CUBN: variants seen among roughly 807,000 people sequenced by gnomAD.
CUBN encodes the protein cubilin.
A neutral mutation model predicts 405.3 loss-of-function variants in CUBN; 282 were observed. The observed-to-expected ratio is 0.70, with a 90% CI of 0.63 to 0.77. The LOEUF is 0.77. Among genes scored for constraint, CUBN ranks in the 30% least tolerant of loss-of-function variants. CUBN has a pLI of 0.00. For missense variants in CUBN, 4,514 were observed against 4,475.2 expected (o/e 1.01, Z -0.25); for synonymous variants, 1,684 against 1,617.0 (o/e 1.04, Z -0.99).
chr10:16,901,230 A>AT (rs991658499), intron 52 of CUBN, 108 bp downstream of exon 52: 2 of 1,473,016 alleles, frequency 1.4e-6, no homozygotes, highest in African/African-American at 2.8e-5. Flanking sequence ...TTGTAGAATC[A>AT]AAGCCTTCTC....
chr10:17,026,274 T>C (rs1834660863), intron 27 of CUBN, among the ~76,000 whole-genome samples: 1 of 152,158 alleles, frequency 6.6e-6, no homozygotes, highest in Admixed American at 6.5e-5. Context: ...TTTATCCAAG[T>C]TCAGGTTACT....
chr10:16,902,617 C>T (rs1467256143), intron 51 of CUBN, among the ~76,000 whole-genome samples: 1 of 152,026 alleles, frequency 6.6e-6, no homozygotes, highest in African/African-American at 2.4e-5. Flanking sequence ...AATTTCACTC[C>T]TTCTTCAACC....
rs545796630 is a variant in CUBN, at chr10:16,919,773, A to G, written c.6821+190T>C. On this transcript the variant is annotated intron_variant, in intron 44 of 66. Coordinates refer to ENST00000377833, the MANE Select transcript of CUBN (RefSeq NM_001081.4). ...GGGTCACAAGGGACAGTATCCACGT[A>G]CATAACCGGCTCAGCTGATGGGAGA... Among the ~76,000 whole-genome samples the G allele has an allele frequency of 2.0e-5, 3 of 152,296 alleles. No individual in the cohort carries two copies. The South Asian group carries it at 6.2e-4, about 32-fold the overall frequency.
chr10:17,063,213 A>G (rs1468029391), intron 22 of CUBN, among the ~76,000 whole-genome samples: 6 of 152,196 alleles, frequency 3.9e-5, no homozygotes, highest in Admixed American at 1.3e-4. Flanking sequence ...AATTATAAAC[A>G]GAAGGTGTGT....
Position 17,028,230 on chromosome 10 carries a change from TTA to T in CUBN, c.4018-8249_4018-8248del, listed in dbSNP as rs1346086448. On this transcript the variant is annotated intron_variant, in intron 27 of 66. Transcript: ENST00000377833. Reference sequence around the variant, plus strand: ...GCTACAGTAAAACACTAAACATTTATTATTATTATTATTATTATTATTATTAT... The same window carrying T: ...GCTACAGTAAAACACTAAACATTTATTTATTATTATTATTATTATTATTAT... Among the ~76,000 whole-genome samples, 3 of 5,918 alleles carry T rather than the reference TTA, an allele frequency of 5.1e-4. No homozygotes were observed. In the Admixed American group the frequency reaches 8.5e-3, roughly 17 times the overall value. The allele number at this position is 5,918 out of a possible 152,430, so 3.9% of individuals were successfully genotyped here.
Position 17,126,900 on chromosome 10 carries a change from C to T in CUBN, c.349-101G>A. ...TTGTCCTAATGCCCTCTGCTAGGGA[C>T]ACACTTTGTTCATTCCTCCTTTTAT... On this transcript the variant is annotated intron_variant, in intron 3 of 66. Coordinates refer to ENST00000377833, the MANE Select transcript of CUBN (RefSeq NM_001081.4). 5 of 1,214,636 alleles carry T rather than the reference C, an allele frequency of 4.1e-6. No individual in the cohort carries two copies. In the African/African-American group the frequency reaches 6.0e-5, roughly 15 times the overall value. 75.2% of individuals were successfully genotyped at this position (1,214,636 alleles called of 1,614,324 possible).
At position 16,877,053 on chromosome 10, in the gene CUBN, T is replaced by G. The variant is rs1801239; in HGVS notation, c.8950A>C (p.Ile2984Leu). The change falls in exon 57 of 67, where the codon ATT becomes CTT. Residue 2984 changes from isoleucine to leucine, a missense_variant. Ile to Leu is a conservative substitution (Grantham distance 5). Coordinates refer to ENST00000377833, the MANE Select transcript of CUBN (RefSeq NM_001081.4). ...TGSCVNDGVH[I>L]IRGYSVMSTP... ...GACATGACGCTGTAACCTCTGATAA[T>G]GTGCACGCCATCGTTGACACAGCTT... The G allele has an allele frequency of 1.9e-6, 3 of 1,613,966 alleles. No homozygotes were observed. In the South Asian group the frequency reaches 3.3e-5, roughly 18 times the overall value.
rs10551726 is a variant in CUBN at position 16,898,066 on chromosome 10, G to GTATATATATATATATATATATA, written c.8598+929_8598+930insTATATATATATATATATATATA. Among the ~76,000 whole-genome samples the GTATATATATATATATATATATA allele has an allele frequency of 9.1e-4, 132 of 145,004 alleles. 2 individuals are homozygous for GTATATATATATATATATATATA. The highest frequency in any genetic ancestry group is 3.0e-3 in the African/African-American group (117 of 39,254). On this transcript the variant is annotated intron_variant, in intron 54 of 66. Coordinates refer to ENST00000377833, the MANE Select transcript of CUBN (RefSeq NM_001081.4). ...GTATATTAAATGTATTTTATTATAT[G>GTATATATATATATATATATATA]TATATATATATATATATATATGTTA...
intron 60 of CUBN, among the ~76,000 whole-genome samples, chr10:16,845,598 G>A (rs1839486261): frequency 6.6e-6 from 1 of 152,174 alleles, no homozygotes; most frequent in Non-Finnish European, 1.5e-5. Context: ...AAGAGCAGGA[G>A]TTTTCCTAGT....
At chr10:17,021,560 G>A (rs1229642332) in intron 27 of CUBN, among the ~76,000 whole-genome samples, 1 of 152,192 alleles carries the variant, frequency 6.6e-6, no homozygotes, top group Non-Finnish European at 1.5e-5. Context: ...AAGAGTATGT[G>A]TGAGTGTCTG....
At chr10:16,985,171 C>A (rs1364347875) in intron 29 of CUBN, among the ~76,000 whole-genome samples, 2 of 152,230 alleles carry the variant, frequency 1.3e-5, no homozygotes, top group Non-Finnish European at 2.9e-5. Context: ...CAGATGTTGC[C>A]TTTTGGCCTG....
chr10:16,940,059 T>G lies in CUBN; in HGVS notation c.5521A>C (p.Thr1841Pro). The change falls in exon 37 of 67, where the codon ACG becomes CCG. Residue 1841 changes from threonine (T) to proline (P), a missense_variant. Coordinates refer to ENST00000377833, the MANE Select transcript of CUBN (RefSeq NM_001081.4). ...TTCATAAATGTGGCCTGGAAGCCCG[T>G]GCCGCTGCCAGAACCATCTGAGATA... ...RFISDGSGSGTGFQATFMKIF... is the reference protein window; with the variant it reads ...RFISDGSGSGPGFQATFMKIF... 6.2e-7 allele frequency: 1 copy of G among 1,614,036 alleles called. No homozygotes were observed. The highest frequency in any genetic ancestry group is 8.5e-7 in the Non-Finnish European group (1 of 1,179,894).
chr10:16,972,117 T>C (rs1832953685), intron 31 of CUBN, among the ~76,000 whole-genome samples: 1 of 152,160 alleles, frequency 6.6e-6, no homozygotes, highest in African/African-American at 2.4e-5. Context: ...CACTCTCTTC[T>C]GGTTCTCCAC....
At chr10:17,080,819 G>A (rs1347562723) in intron 17 of CUBN, among the ~76,000 whole-genome samples, 2 of 152,186 alleles carry the variant, frequency 1.3e-5, no homozygotes, top group African/African-American at 4.8e-5. Context: ...AATGAGAGGT[G>A]CTGCTTTTTA....
chr10:16,937,573 C>A lies in CUBN; in HGVS notation c.5926+19G>T. The stretch of plus-strand genomic sequence containing the variant: ...CACATATCAGTCCTAAAAAGAACTT[C>A]ATTTATTACCAAACACACCTGGAGC... On this transcript the variant is annotated intron_variant, in intron 39 of 66. Transcript: ENST00000377833. 6.2e-7 allele frequency: 1 copy of A among 1,610,814 alleles called. No homozygotes were observed. The highest frequency in any genetic ancestry group is 8.5e-7 in the Non-Finnish European group (1 of 1,177,344).
chr10:17,119,555 G>T (rs775687599), intron 6 of CUBN, among the ~76,000 whole-genome samples: 2 of 152,188 alleles, frequency 1.3e-5, no homozygotes, highest in Non-Finnish European at 2.9e-5. Context: ...AGCTACTCGG[G>T]AGGCTGAGGT....
At chr10:16,965,467 T>C (rs1367200376) in intron 31 of CUBN, among the ~76,000 whole-genome samples, 3 of 151,878 alleles carry the variant, frequency 2.0e-5, no homozygotes, top group Non-Finnish European at 4.4e-5. Flanking sequence ...CCTGGGGTGA[T>C]TAAATGGCTC....
At chr10:16,976,156 G>GTT (rs1323090155) in intron 31 of CUBN, among the ~76,000 whole-genome samples, 10 of 151,540 alleles carry the variant, frequency 6.6e-5, no homozygotes, top group Non-Finnish European at 1.2e-4. Flanking sequence ...CTGTTTTGTA[G>GTT]AGACAGGGTC....
In CUBN at chr10:16,913,995, G is replaced by A; in HGVS notation, c.7352-3C>T. On this transcript the variant is annotated splice_polypyrimidine_tract_variant and splice_region_variant and intron_variant, in intron 47 of 66. Transcript: ENST00000377833. ...GCCCTGAAGATCCCCACCACACTCT[G>A]ACGTGGGGAAAAAGCCAAGAAAACT... is the stretch of plus-strand genomic sequence containing the variant. 1 of 1,613,880 alleles carries A rather than the reference G, an allele frequency of 6.2e-7. No homozygotes were observed. The highest frequency in any genetic ancestry group is 8.5e-7 in the Non-Finnish European group (1 of 1,180,002).
Sources: gnomAD v4.1 joint callset for allele counts (sites outside exome capture counted in the v4.1 genomes callset) on GRCh38, gnomAD v4.1.1 for gene constraint, MANE v1.5 for transcripts, NCBI Gene and HGNC (gene_info 2026-07-23, HGNC 2026-07-21) for gene names.